Variants in SPATA6 observed in about 807,000 individuals in gnomAD.
The protein encoded by SPATA6 is spermatogenesis-associated protein 6.
Under a neutral mutation model 65.3 loss-of-function variants are expected in SPATA6, and 56 were observed. The observed-to-expected ratio is 0.86, with a 90% confidence interval of 0.69 to 1.07. The LOEUF is 1.07. Ranked by LOEUF, SPATA6 falls within the 50% of genes least tolerant of loss-of-function variation. The pLI, the probability that SPATA6 is intolerant of heterozygous loss-of-function variation, is 0.00. For missense variants in SPATA6, 590 were observed against 594.8 expected, an observed-to-expected ratio of 0.99 and a Z score of 0.08; for synonymous variants, 199 against 213.2, an observed-to-expected ratio of 0.93 and a Z score of 0.58.
chr1:48,387,715 C>T (rs908039489), intron 8 of SPATA6, among the ~76,000 whole-genome samples: 5 of 152,156 alleles, frequency 3.3e-5, no homozygotes, highest in Non-Finnish European at 7.4e-5. Flanking sequence ...GACTGCCCAG[C>T]CCAGTCCACC....
intron 8 of SPATA6, among the ~76,000 whole-genome samples, chr1:48,388,173 G>T (rs1649683186): frequency 1.3e-5 from 2 of 151,938 alleles, no homozygotes; most frequent in African/African-American, 4.8e-5. Context: ...CTAGAACACA[G>T]CCTCCACTAG....
intron 9 of SPATA6, 63 bp from the exon 10 acceptor site, chr1:48,359,833 A>C (rs774248678): frequency 4.7e-6 from 6 of 1,268,416 alleles, no homozygotes; most frequent in Non-Finnish European, 5.3e-6. Flanking sequence ...ATAACATATT[A>C]TATAGTAATA....
chr1:48,395,250 G>A lies in SPATA6; in HGVS notation c.868+17C>T, dbSNP rs763755026. On this transcript the variant is annotated intron_variant, in intron 8 of 12. Coordinates refer to ENST00000371847, the MANE Select transcript of SPATA6 (RefSeq NM_019073.4). Reference sequence around the variant, plus strand: ...TCAGGCAACTACAGCAATGAATAAAGACAACTTCTAGCTTACCATTGTGCA... The same window carrying A: ...TCAGGCAACTACAGCAATGAATAAAAACAACTTCTAGCTTACCATTGTGCA... 5 of 1,514,522 alleles carry A rather than the reference G, an allele frequency of 3.3e-6. No homozygotes were observed. The highest frequency in any genetic ancestry group is 4.4e-6 in the Non-Finnish European group (5 of 1,129,600). The allele number at this position is 1,514,522 out of a possible 1,614,324, so 93.8% of individuals were successfully genotyped here. A position where few individuals can be genotyped will look rare whatever the true frequency, so the allele number is the denominator to read the frequency against.
intron 9 of SPATA6, among the ~76,000 whole-genome samples, chr1:48,382,464 G>GAC (rs1329808013): frequency 7.4e-6 from 1 of 134,464 alleles, no homozygotes; most frequent in African/African-American, 2.9e-5. Context: ...GCGGGGGGCT[G>GAC]TCCCCCCCAC....
chr1:48,412,283 TA>T (rs1195986535), intron 4 of SPATA6, among the ~76,000 whole-genome samples: 1 of 152,220 alleles, frequency 6.6e-6, no homozygotes, highest in Non-Finnish European at 1.5e-5. Context: ...CAGGGAACTG[TA>T]ACATTTACTA....
At chr1:48,369,640 G>T (rs112401740) in intron 9 of SPATA6, among the ~76,000 whole-genome samples, 3,761 of 152,314 alleles carry the variant, frequency 0.025, 99 homozygotes, top group African/African-American at 0.067. Flanking sequence ...AAGCGCAGTA[G>T]TGGGGTGGGA....
chr1:48,279,824 A>G, the SPATA6 span, among the ~76,000 whole-genome samples: 4 of 152,200 alleles, frequency 2.6e-5, no homozygotes, highest in Non-Finnish European at 4.4e-5. Context: ...GCTCTGCACC[A>G]AGTGGACCTA....
At position 48,313,185 on chromosome 1, in the gene SPATA6, T is replaced by C. The variant is rs553590712; in HGVS notation, c.1195-7307A>G. Among the ~76,000 whole-genome samples, 204 of 152,110 alleles carry C rather than the reference T, an allele frequency of 1.3e-3. 2 individuals carry two copies. In the Middle Eastern group the frequency reaches 0.014, roughly 10 times the overall value. On this transcript the variant is annotated intron_variant, in intron 11 of 12. Transcript: ENST00000371847. ...CAGGCTGACATTCAAATTCAGGAAATACAGAGAATGCCACAAAGATACTCC... is the reference window on the plus strand; with the variant it reads ...CAGGCTGACATTCAAATTCAGGAAACACAGAGAATGCCACAAAGATACTCC...
At chr1:48,399,696 C>G (rs1650977600) in intron 6 of SPATA6, 52 bp from the exon 7 acceptor site, 11 of 1,472,432 alleles carry the variant, frequency 7.5e-6, no homozygotes, top group Non-Finnish European at 8.2e-6. Flanking sequence ...TTTAAAATTC[C>G]TGTTGGTGGG....
the SPATA6 span, among the ~76,000 whole-genome samples, chr1:48,274,084 TA>T: frequency 2.6e-5 from 4 of 152,250 alleles, no homozygotes; most frequent in African/African-American, 9.6e-5. Flanking sequence ...TGCATTTCTC[TA>T]ATCATCCGTG....
At chr1:48,356,999 G>C (rs892058520) in intron 10 of SPATA6, among the ~76,000 whole-genome samples, 8 of 151,980 alleles carry the variant, frequency 5.3e-5, no homozygotes, top group Non-Finnish European at 7.4e-5. Flanking sequence ...AATATATATA[G>C]TACATCTTGG....
At chr1:48,262,164 G>A in the SPATA6 span, 1 of 152,132 alleles carries the variant, frequency 6.6e-6, no homozygotes, top group African/African-American at 2.4e-5. Flanking sequence ...GTGTTTTTAG[G>A]AAGAAGACTG....
chr1:48,422,631 C>G (rs561885135), intron 3 of SPATA6, among the ~76,000 whole-genome samples: 1 of 152,272 alleles, frequency 6.6e-6, no homozygotes, highest in Admixed American at 6.5e-5. Context: ...ATTGCTAGTA[C>G]TACTAGCAAC....
chr1:48,360,757 G>C (rs979580542), intron 9 of SPATA6, among the ~76,000 whole-genome samples: 1 of 152,180 alleles, frequency 6.6e-6, no homozygotes, highest in Non-Finnish European at 1.5e-5. Flanking sequence ...GAGGAAATCA[G>C]CTAGGAACCT....
intron 5 of SPATA6, among the ~76,000 whole-genome samples, chr1:48,407,576 C>T (rs922015714): frequency 1.3e-5 from 2 of 152,302 alleles, no homozygotes; most frequent in East Asian, 3.9e-4. Context: ...AACTTTAGTT[C>T]TCACTTACCA....
intron 9 of SPATA6, among the ~76,000 whole-genome samples, chr1:48,382,346 A>C (rs1401216238): frequency 6.1e-5 from 4 of 65,698 alleles, no homozygotes; most frequent in Non-Finnish European, 3.0e-5. Context: ...TGACCCCCCC[A>C]CCACCCTCCC....
intron 7 of SPATA6, among the ~76,000 whole-genome samples, chr1:48,397,988 T>C (rs1291647721): frequency 6.6e-6 from 1 of 151,666 alleles, no homozygotes; most frequent in Non-Finnish European, 1.5e-5. Flanking sequence ...TTTTTGTACA[T>C]AGCATTTTAA....
chr1:48,293,243 C>G (rs1644780015), downstream of SPATA6, among the ~76,000 whole-genome samples: 2 of 152,220 alleles, frequency 1.3e-5, no homozygotes, highest in Admixed American at 1.3e-4. Flanking sequence ...TGGACACTCA[C>G]CCTGCTCTCA....
chr1:48,426,623 T>C (rs1228284023), intron 3 of SPATA6, among the ~76,000 whole-genome samples: 1 of 151,898 alleles, frequency 6.6e-6, no homozygotes, highest in African/African-American at 2.4e-5. Flanking sequence ...CAATCTTCCT[T>C]CTAAGAGATA....
Sources: gnomAD v4.1 joint callset for allele counts (sites outside exome capture counted in the v4.1 genomes callset) on GRCh38, gnomAD v4.1.1 for gene constraint, MANE v1.5 for transcripts, NCBI Gene and HGNC (gene_info 2026-07-23, HGNC 2026-07-21) for gene names.